SNTG1: variants seen among roughly 807,000 people sequenced by gnomAD.
SNTG1 encodes syntrophin gamma 1, also known as gamma-1-syntrophin.
Under a neutral mutation model 74.7 loss-of-function variants are expected in SNTG1, and 39 were observed. The ratio of observed to expected loss-of-function variants is 0.52; its 90% CI spans 0.40 to 0.68. The LOEUF is 0.68. Ranked by LOEUF, SNTG1 falls within the 30% of genes least tolerant of loss-of-function variation. The probability of loss-of-function intolerance (pLI) is 0.00; values close to 1 mark genes in which losing one functional copy is unlikely to be tolerated. For missense variants in SNTG1, 685 were observed against 609.5 expected, an observed-to-expected ratio of 1.12 and a Z score of -1.30; for synonymous variants, 254 against 217.1, an observed-to-expected ratio of 1.17 and a Z score of -1.49.
chr8:50,668,084 T>C (rs545691582), intron 15 of SNTG1, among the ~76,000 whole-genome samples: 74 of 152,142 alleles, frequency 4.9e-4, no homozygotes, highest in African/African-American at 1.8e-3. Flanking sequence ...GTCACTGCCA[T>C]CCACAAAGCT....
At chr8:50,072,145 A>C (rs996922079) in intron 1 of SNTG1, among the ~76,000 whole-genome samples, 4 of 152,204 alleles carry the variant, frequency 2.6e-5, no homozygotes, top group African/African-American at 9.6e-5. Context: ...TAATTCAGAC[A>C]GACATGGATC....
chr8:50,278,401 T>C (rs1378162456), intron 2 of SNTG1, among the ~76,000 whole-genome samples: 1 of 152,188 alleles, frequency 6.6e-6, no homozygotes, highest in Non-Finnish European at 1.5e-5. Flanking sequence ...TTTGGCCTTG[T>C]TCTTTCTGCC....
chr8:50,267,291 TA>T lies in SNTG1; in HGVS notation c.-28+94661del, dbSNP rs1251178164. 6.6e-5 allele frequency among the ~76,000 whole-genome samples: 10 copies of T among 152,256 alleles called. No homozygotes were observed. The East Asian group carries it at 1.7e-3, about 26-fold the overall frequency. On this transcript the variant is annotated intron_variant, in intron 2 of 18. Coordinates refer to ENST00000642720, the MANE Select transcript of SNTG1 (RefSeq NM_018967.5). ...ATAAGGGATTTGTAGCCAGAATATA[TA>T]AAAACTTCTGCATCTCAGTAATAAG...
intron 13 of SNTG1, among the ~76,000 whole-genome samples, chr8:50,597,184 A>G (rs1005651600): frequency 2.6e-5 from 4 of 151,618 alleles, no homozygotes; most frequent in Non-Finnish European, 5.9e-5. Context: ...CTTTCTATGC[A>G]TGGGTCATTT....
rs572535131 is a variant in SNTG1 at position 50,076,881 on chromosome 8, T to A, written c.-102-95680T>A. On this transcript the variant is annotated intron_variant, in intron 1 of 18. Transcript: ENST00000642720. The stretch of plus-strand genomic sequence containing the variant: ...TATTTTAGTGTGTTTTTAAAAAACA[T>A]TTAAGTAGATTTAAGTTAAAATTAT... 7.2e-5 allele frequency among the ~76,000 whole-genome samples: 11 copies of A among 152,276 alleles called. 1 individual carries two copies. Among genetic ancestry groups the A allele is most frequent in the African/African-American group, 2.4e-4 (10 of 41,556 alleles).
intron 9 of SNTG1, among the ~76,000 whole-genome samples, chr8:50,504,317 C>T (rs532658009): frequency 3.9e-4 from 59 of 152,164 alleles, no homozygotes; most frequent in Admixed American, 3.1e-3. Flanking sequence ...CACATGCATG[C>T]GTCTTTATAA....
chr8:50,629,342 C>G (rs2094979764), intron 13 of SNTG1, among the ~76,000 whole-genome samples: 3 of 151,920 alleles, frequency 2.0e-5, no homozygotes, highest in African/African-American at 7.3e-5. Flanking sequence ...TTCGTCATCT[C>G]CTTTATGTTG....
intron 8 of SNTG1, among the ~76,000 whole-genome samples, chr8:50,485,427 A>G (rs2093782782): frequency 6.6e-6 from 1 of 152,114 alleles, no homozygotes; most frequent in South Asian, 2.1e-4. Context: ...AACTGGTTGT[A>G]AATATTTGTC....
At chr8:50,345,075 C>T (rs2091432856) in intron 2 of SNTG1, among the ~76,000 whole-genome samples, 1 of 152,172 alleles carries the variant, frequency 6.6e-6, no homozygotes, top group Non-Finnish European at 1.5e-5. Flanking sequence ...GACTTCTAGC[C>T]TCCAGAACTC....
chr8:50,076,135 A>C (rs966152113), intron 1 of SNTG1, among the ~76,000 whole-genome samples: 11 of 152,188 alleles, frequency 7.2e-5, no homozygotes, highest in Non-Finnish European at 1.5e-4. Context: ...TGGAAGCTTG[A>C]TGGATAGAGC....
chr8:50,355,467 G>A (rs1422712691), intron 2 of SNTG1, among the ~76,000 whole-genome samples: 3 of 152,058 alleles, frequency 2.0e-5, no homozygotes, highest in Non-Finnish European at 2.9e-5. Flanking sequence ...GGGTGAAATG[G>A]CACTTTTAAG....
intron 11 of SNTG1, among the ~76,000 whole-genome samples, chr8:50,545,124 C>CT (rs1025437857): frequency 2.6e-5 from 4 of 151,694 alleles, no homozygotes; most frequent in African/African-American, 9.7e-5. Flanking sequence ...TTCTTGGTTG[C>CT]TTTTTTTCCA....
At chr8:50,721,943 C>T (rs1270360720) in intron 17 of SNTG1, among the ~76,000 whole-genome samples, 8 of 152,040 alleles carry the variant, frequency 5.3e-5, no homozygotes, top group Non-Finnish European at 1.5e-5. Flanking sequence ...TTTCAAATTA[C>T]TTATAATCTG....
At chr8:50,140,017 A>G (rs569574044) in intron 1 of SNTG1, among the ~76,000 whole-genome samples, 11 of 152,358 alleles carry the variant, frequency 7.2e-5, no homozygotes, top group Admixed American at 3.3e-4. Context: ...AAAGAAAACA[A>G]TGCAAAAATT....
At chr8:49,954,195 T>C (rs1809966511) in intron 1 of SNTG1, among the ~76,000 whole-genome samples, 1 of 152,210 alleles carries the variant, frequency 6.6e-6, no homozygotes. Context: ...AAGGAAATAC[T>C]ACCAGAGAGA....
intron 5 of SNTG1, among the ~76,000 whole-genome samples, chr8:50,448,501 G>A (rs1329815297): frequency 2.6e-5 from 4 of 152,078 alleles, no homozygotes; most frequent in Non-Finnish European, 5.9e-5. Context: ...CAACCTCAAT[G>A]GAATTCAGAT....
chr8:50,731,165 T>C (rs1318001548), intron 17 of SNTG1, among the ~76,000 whole-genome samples: 1 of 152,126 alleles, frequency 6.6e-6, no homozygotes, highest in Non-Finnish European at 1.5e-5. Context: ...ACATGATCAT[T>C]CCTGGGATAT....
chr8:50,215,718 C>G (rs531456194), intron 2 of SNTG1, among the ~76,000 whole-genome samples: 1 of 151,864 alleles, frequency 6.6e-6, no homozygotes, highest in Non-Finnish European at 1.5e-5. Flanking sequence ...AGATTATAGG[C>G]AGAGACATAT....
intron 1 of SNTG1, among the ~76,000 whole-genome samples, chr8:50,035,622 C>A (rs1025441168): frequency 6.6e-6 from 1 of 152,188 alleles, no homozygotes; most frequent in Non-Finnish European, 1.5e-5. Context: ...GTGGTCAGTT[C>A]AATCCAACTT....
Sources: allele counts gnomAD v4.1 joint callset (sites outside exome capture counted in the v4.1 genomes callset), GRCh38; gene constraint gnomAD v4.1.1; transcripts MANE v1.5; gene names NCBI Gene and HGNC (gene_info 2026-07-23, HGNC 2026-07-21).